The following MYLK variants were observed in gnomAD, a reference collection of about 807,000 sequenced individuals.
MYLK encodes the protein myosin light chain kinase.
A neutral mutation model predicts 203.4 loss-of-function variants in MYLK; 106 were observed. That is an observed-to-expected ratio of 0.52 (90% confidence interval 0.45 to 0.61). MYLK has a LOEUF of 0.61. MYLK is among the 20% of genes least tolerant of loss of function. The pLI, the probability that MYLK is intolerant of heterozygous loss-of-function variation, is 0.00. For missense variants in MYLK, 2,072 were observed against 2,442.3 expected (o/e 0.85, Z 3.20); for synonymous variants, 867 against 959.5 (o/e 0.90, Z 1.78).
intron 5 of MYLK, among the ~76,000 whole-genome samples, 181 bp downstream of exon 5, chr3:123,752,150 C>T (rs1043970613): frequency 6.6e-6 from 1 of 152,116 alleles, no homozygotes; most frequent in Admixed American, 6.5e-5. Context: ...TCCTGGATGC[C>T]TCCCTTGTTC....
rs111901174 is a variant in MYLK at position 123,640,324 on chromosome 3, C to T, written c.4800G>A (p.Arg1600=). 227 of 1,614,038 alleles carry T rather than the reference C, an allele frequency of 1.4e-4. 2 individuals are homozygous for T. The African/African-American group carries it at 2.4e-3, about 17-fold the overall frequency. The change falls in exon 28 of 34, where the codon AGG becomes AGA. Residue 1600 remains arginine, a synonymous_variant. Coordinates refer to ENST00000360304, the MANE Select transcript of MYLK (RefSeq NM_053025.4). The surrounding 1 kb of genome is among the most constrained non-coding windows in gnomAD (Gnocchi z 4.3). ...CCAGACCAAAGTCGATGAGCTTGAT[C>T]CTGGTGCCCGTCTTGTTGACACACA... The part of the protein sequence containing the change: ...NIMCVNKTGT[R]IKLIDFGLAR...
intron 5 of MYLK, among the ~76,000 whole-genome samples, chr3:123,746,070 G>A (rs1343069473): frequency 6.6e-6 from 1 of 151,986 alleles, no homozygotes; most frequent in Non-Finnish European, 1.5e-5. Flanking sequence ...TTGTCAGGCT[G>A]GTCTTGAAGT....
chr3:123,752,134 A>G (rs1195855595), intron 5 of MYLK, among the ~76,000 whole-genome samples, 197 bp downstream of exon 5: 1 of 152,132 alleles, frequency 6.6e-6, no homozygotes, highest in African/African-American at 2.4e-5. Context: ...TTTGACAAAC[A>G]TCATCTCCTG....
chr3:123,734,337 GC>G, intron 9 of MYLK, 115 bp from the exon 10 acceptor site: 1 of 1,114,422 alleles, frequency 9.0e-7, no homozygotes, highest in Non-Finnish European at 1.2e-6. Flanking sequence ...GATCACAAAA[GC>G]CCACAAGTTA....
chr3:123,652,041 G>T (rs1355522428), intron 24 of MYLK, among the ~76,000 whole-genome samples: 2 of 152,208 alleles, frequency 1.3e-5, no homozygotes, highest in Admixed American at 1.3e-4. Context: ...GCGTCTAGGA[G>T]TTCAAATCCA....
chr3:123,677,908 TATATATATATACACACAC>T (rs1489668849), intron 20 of MYLK, among the ~76,000 whole-genome samples: 109 of 97,364 alleles, frequency 1.1e-3, no homozygotes, highest in African/African-American at 4.1e-3. Context: ...TATATATATA[TATATATATATACACACAC>T]ACACACACAG....
intron 3 of MYLK, among the ~76,000 whole-genome samples, chr3:123,816,585 G>A (rs922681387): frequency 6.6e-6 from 1 of 152,194 alleles, no homozygotes; most frequent in Non-Finnish European, 1.5e-5. Flanking sequence ...GGCCAGAAAA[G>A]TTAATAACAT....
At position 123,827,694 on chromosome 3, in the gene MYLK, CAT is replaced by C. The variant is rs3052386; in HGVS notation, c.-4+3852_-4+3853del. Among the ~76,000 whole-genome samples, 236 of 24,130 alleles carry C rather than the reference CAT, an allele frequency of 9.8e-3. 1 individual carries two copies. The highest frequency in any genetic ancestry group is 0.017 in the Non-Finnish European group (155 of 9,166). The allele number at this position is 24,130 out of a possible 152,430, so 15.8% of individuals were successfully genotyped here. A position where few individuals can be genotyped will look rare whatever the true frequency, so the allele number is the denominator to read the frequency against. On this transcript the variant is annotated intron_variant, in intron 3 of 33. Coordinates refer to ENST00000360304, the MANE Select transcript of MYLK (RefSeq NM_053025.4). ...CTGGAAATGAAAAGATGAAAAACACCATATATATATATATATATATATATATA... is the reference window on the plus strand; with the variant it reads ...CTGGAAATGAAAAGATGAAAAACACCATATATATATATATATATATATATA...
At chr3:123,624,270 AG>A (rs2058025591) in intron 31 of MYLK, 1 of 151,758 alleles carries the variant, frequency 6.6e-6, no homozygotes, top group Non-Finnish European at 1.5e-5. Flanking sequence ...GACTGCAGTA[AG>A]CTATGATTGT....
chr3:123,752,283 T>G (rs771411394), intron 5 of MYLK, 48 bp downstream of exon 5: 20 of 1,592,196 alleles, frequency 1.3e-5, no homozygotes, highest in Non-Finnish European at 1.7e-5. Context: ...GGCCTTGGGG[T>G]AACTGAGAGC....
At chr3:123,883,982 C>G (rs927401071) in intron 1 of MYLK, among the ~76,000 whole-genome samples, 1 of 152,156 alleles carries the variant, frequency 6.6e-6, no homozygotes, top group South Asian at 2.1e-4. Context: ...GCATCAGTGT[C>G]CCCAAGCACT....
At position 123,629,747 on chromosome 3, in the gene MYLK, T is replaced by G; in HGVS notation, c.4962-121A>C. On this transcript the variant is annotated intron_variant, in intron 29 of 33. Transcript: ENST00000360304. This position sits in a 1 kb window ranked among gnomAD's most constrained non-coding sequence, Gnocchi z 4.4. Reference sequence around the variant, plus strand: ...TCCCCACCCCCAAACTCATGCTCTGTGGGCCTTGCACCTGCCTTTCTTCCA... The same window carrying G: ...TCCCCACCCCCAAACTCATGCTCTGGGGGCCTTGCACCTGCCTTTCTTCCA... The G allele has an allele frequency of 2.0e-6, 2 of 1,019,082 alleles. No homozygotes were observed. The highest frequency in any genetic ancestry group is 3.0e-6 in the Non-Finnish European group (2 of 662,460). 63.1% of individuals were successfully genotyped at this position (1,019,082 alleles called of 1,614,324 possible). A position where few individuals can be genotyped will look rare whatever the true frequency, so the allele number is the denominator to read the frequency against.
At chr3:123,844,703 T>A (rs565376009) in intron 2 of MYLK, among the ~76,000 whole-genome samples, 2 of 152,090 alleles carry the variant, frequency 1.3e-5, no homozygotes, top group Non-Finnish European at 2.9e-5. Context: ...GCAGACAGTG[T>A]CTAATCTTAG....
chr3:123,682,324 G>A lies in MYLK; in HGVS notation c.3566-14C>T, dbSNP rs1377764290. The A allele has an allele frequency of 2.5e-6, 4 of 1,578,408 alleles. No homozygotes were observed. The South Asian group carries it at 4.6e-5, about 18-fold the overall frequency. ...TGGCTGGAGCATCTGGAATGAAACA[G>A]GTAACAATAAATGTTAGCAGCTGCT... On this transcript the variant is annotated splice_polypyrimidine_tract_variant and intron_variant, in intron 19 of 33. Transcript: ENST00000360304.
intron 5 of MYLK, among the ~76,000 whole-genome samples, chr3:123,740,209 C>T (rs1362786586): frequency 6.6e-6 from 1 of 150,994 alleles, no homozygotes; most frequent in African/African-American, 2.4e-5. Context: ...GCTGATACTA[C>T]ATTATCCTAT....
intron 18 of MYLK, among the ~76,000 whole-genome samples, chr3:123,696,248 G>C (rs114920952): frequency 6.6e-6 from 1 of 152,128 alleles, no homozygotes; most frequent in Non-Finnish European, 1.5e-5. Flanking sequence ...GTTGGTGCAC[G>C]CAGATACACA....
intron 8 of MYLK, among the ~76,000 whole-genome samples, chr3:123,736,540 G>A (rs76769283): frequency 2.0e-5 from 3 of 152,128 alleles, no homozygotes; most frequent in Non-Finnish European, 4.4e-5. Context: ...AGGAGGAGAC[G>A]TGTTCAACAA....
chr3:123,866,496 C>G (rs1018431761), intron 2 of MYLK, among the ~76,000 whole-genome samples: 1 of 151,858 alleles, frequency 6.6e-6, no homozygotes, highest in Non-Finnish European at 1.5e-5. Flanking sequence ...GAAAAACAGA[C>G]AATTAGTGAG....
At chr3:123,749,186 G>A (rs1159345718) in intron 5 of MYLK, among the ~76,000 whole-genome samples, 15 of 152,132 alleles carry the variant, frequency 9.9e-5, no homozygotes, top group African/African-American at 3.4e-4. Flanking sequence ...GGCTGAGGTA[G>A]GAGGATCGCT....
Sources: gnomAD v4.1 joint callset for allele counts (sites outside exome capture counted in the v4.1 genomes callset) on GRCh38, gnomAD v4.1.1 for gene constraint, Gnocchi (gnomAD v3.1) non-coding constraint, MANE v1.5 for transcripts, NCBI Gene and HGNC (gene_info 2026-07-23, HGNC 2026-07-21) for gene names.